Variants in EDA observed in about 807,000 individuals in gnomAD.
The protein encoded by EDA is ectodysplasin A.
EDA carries 2 observed loss-of-function variants against 23.6 expected under a neutral mutation model. The observed-to-expected ratio is 0.08, with a 90% CI of 0.03 to 0.27. The LOEUF (loss-of-function observed/expected upper bound fraction) is 0.27, where lower values mean the gene tolerates loss of function less well. Among genes scored for constraint, EDA ranks in the 10% least tolerant of loss-of-function variants. The pLI, the probability that EDA is intolerant of heterozygous loss-of-function variation, is 1.00. For synonymous variants in EDA, 131 were observed against 132.0 expected, an observed-to-expected ratio of 0.99 and a Z score of 0.05; for missense variants, 229 against 324.2, an observed-to-expected ratio of 0.71 and a Z score of 2.26.
chrX:69,845,677 A>C (rs1015548539), intron 1 of EDA, among the ~76,000 whole-genome samples: 4 of 111,921 alleles, frequency 3.6e-5, no homozygotes, highest in Admixed American at 9.5e-5. Context: ...TGAATAGGGC[A>C]TTGTGGACAT....
intron 2 of EDA, among the ~76,000 whole-genome samples, chrX:69,961,295 T>A (rs755429999): frequency 1.8e-5 from 2 of 111,097 alleles, no homozygotes; most frequent in Non-Finnish European, 3.8e-5. Context: ...TTCTAGGAAC[T>A]ATAGATATTA....
chrX:69,753,029 T>G (rs1179547990), intron 1 of EDA, among the ~76,000 whole-genome samples: 4 of 111,592 alleles, frequency 3.6e-5, no homozygotes, highest in African/African-American at 1.3e-4. Flanking sequence ...AAAAACCAGC[T>G]CCTGGATTCA....
chrX:69,683,103 G>A (rs1934430007), intron 1 of EDA, among the ~76,000 whole-genome samples: 1 of 110,808 alleles, frequency 9.0e-6, no homozygotes, highest in Admixed American at 9.6e-5. Context: ...ACTTCATAGA[G>A]GTGTTTTGAG....
intron 1 of EDA, among the ~76,000 whole-genome samples, chrX:69,677,341 C>A (rs1197125922): frequency 1.8e-5 from 2 of 110,498 alleles, no homozygotes. Flanking sequence ...TGGGTATATA[C>A]CCAGTAATGG....
Position 69,862,327 on chromosome X carries a change from G to T in EDA, c.397-94700G>T, listed in dbSNP as rs79815142. ...CTTTTATGATTTAGTCTCCAAAGTT[G>T]CATACCATCATTTCTGCTTTATTCT... On this transcript the variant is annotated intron_variant, in intron 1 of 7. Transcript: ENST00000374552. Among the ~76,000 whole-genome samples the T allele has an allele frequency of 8.2e-4, 92 of 112,152 alleles. No homozygotes were observed. In the East Asian group the frequency reaches 0.022, roughly 27 times the overall value.
chrX:69,672,850 C>G (rs1374300634), intron 1 of EDA, among the ~76,000 whole-genome samples: 3 of 105,800 alleles, frequency 2.8e-5, no homozygotes, highest in Non-Finnish European at 5.8e-5. Context: ...CCACTGCACT[C>G]CAGCCTGGGC....
intron 1 of EDA, among the ~76,000 whole-genome samples, chrX:69,678,030 T>C (rs1425005735): frequency 9.0e-6 from 1 of 111,269 alleles, no homozygotes; most frequent in Non-Finnish European, 1.9e-5. Flanking sequence ...AGTTTCAGCT[T>C]TCTACATATG....
intron 1 of EDA, among the ~76,000 whole-genome samples, chrX:69,869,406 A>C (rs1247812586): frequency 9.0e-6 from 1 of 111,150 alleles, no homozygotes; most frequent in Non-Finnish European, 1.9e-5. Context: ...CCCAGTGCAC[A>C]GTTACCCTGG....
intron 1 of EDA, among the ~76,000 whole-genome samples, chrX:69,846,301 T>C (rs1439220566): frequency 9.0e-6 from 1 of 110,729 alleles, no homozygotes; most frequent in Non-Finnish European, 1.9e-5. Flanking sequence ...TTTGTTGTTG[T>C]TGTTGTTTTT....
chrX:70,002,474 A>G (rs1490124206), intron 2 of EDA, among the ~76,000 whole-genome samples: 1 of 111,861 alleles, frequency 8.9e-6, no homozygotes, highest in Non-Finnish European at 1.9e-5. Flanking sequence ...AAGTTATGTC[A>G]CCATGAACCA....
chrX:69,649,441 G>A (rs777584941), intron 1 of EDA, among the ~76,000 whole-genome samples: 8 of 111,882 alleles, frequency 7.2e-5, no homozygotes, highest in Non-Finnish European at 1.3e-4. Context: ...CCTATTGACT[G>A]ACAAATGTAT....
chrX:69,714,242 T>C (rs1052318391), intron 1 of EDA, among the ~76,000 whole-genome samples: 8 of 111,465 alleles, frequency 7.2e-5, no homozygotes, highest in Non-Finnish European at 1.5e-4. Flanking sequence ...TTCATGTCTT[T>C]TGTTTTATTT....
chrX:69,794,001 G>C (rs757716413), intron 1 of EDA, among the ~76,000 whole-genome samples: 4 of 111,637 alleles, frequency 3.6e-5, no homozygotes, highest in Non-Finnish European at 7.5e-5. Context: ...TACTATTTGA[G>C]CTTGTGCTTC....
At chrX:69,997,030 G>A (rs1819313) in intron 2 of EDA, among the ~76,000 whole-genome samples, 36,298 of 110,355 alleles carry the variant, frequency 0.33, 5,032 homozygotes, top group African/African-American at 0.54. Flanking sequence ...CCATGAAATG[G>A]ACTAATACAG....
At chrX:69,715,826 T>A (rs1040234790) in intron 1 of EDA, among the ~76,000 whole-genome samples, 2 of 111,987 alleles carry the variant, frequency 1.8e-5, no homozygotes, top group South Asian at 7.4e-4. Context: ...ATTTTTCTAA[T>A]GATCAGTGAT....
Position 69,616,115 on chromosome X carries a change from C to CA in EDA, c.-194_-193insA. 1 of 425,846 alleles carries CA rather than the reference C, an allele frequency of 2.3e-6. No individual in the cohort carries two copies. The allele number at this position is 425,846 out of a possible 1,213,427, so 35.1% of individuals were successfully genotyped here. A position where few individuals can be genotyped will look rare whatever the true frequency, so the allele number is the denominator to read the frequency against. On this transcript the variant is annotated 5_prime_UTR_variant, in exon 1 of 8. Coordinates refer to ENST00000374552, the MANE Select transcript of EDA (RefSeq NM_001399.5). Reference sequence around the variant, plus strand: ...CCCTCTCTCCCGCCCCTCCTCCTCCCTTTCCCACCCCTCGGAGTAGAGCTG... The same window carrying CA: ...CCCTCTCTCCCGCCCCTCCTCCTCCCATTTCCCACCCCTCGGAGTAGAGCTG...
chrX:69,923,205 G>T (rs1436846767), intron 1 of EDA, among the ~76,000 whole-genome samples: 2 of 111,043 alleles, frequency 1.8e-5, no homozygotes, highest in Non-Finnish European at 3.8e-5. Flanking sequence ...TACATGTGCA[G>T]AACATGCAGG....
chrX:69,704,982 A>C (rs2011654046), intron 1 of EDA, among the ~76,000 whole-genome samples: 1 of 110,762 alleles, frequency 9.0e-6, no homozygotes, highest in Non-Finnish European at 1.9e-5. Flanking sequence ...GCACTTTGGG[A>C]GGCCGAGGTG....
chrX:69,957,477 T>A (rs1451321644), intron 2 of EDA: 3 of 52,587 alleles, frequency 5.7e-5, no homozygotes, highest in African/African-American at 1.5e-4. Context: ...AGACTCCATC[T>A]CAAAAAAAAA....
Sources: gnomAD v4.1 joint callset for allele counts (sites outside exome capture counted in the v4.1 genomes callset) on GRCh38, gnomAD v4.1.1 for gene constraint, MANE v1.5 for transcripts, NCBI Gene and HGNC (gene_info 2026-07-23, HGNC 2026-07-21) for gene names.